TANC2: variants seen among roughly 807,000 people sequenced by gnomAD.
TANC2 encodes the protein protein TANC2.
TANC2 carries 26 observed loss-of-function variants against 210.5 expected under a neutral mutation model. The observed-to-expected ratio is 0.12, with a 90% CI of 0.09 to 0.17. The LOEUF (loss-of-function observed/expected upper bound fraction) is 0.17, where lower values mean the gene tolerates loss of function less well. TANC2 is among the 10% of genes least tolerant of loss of function. TANC2 has a pLI of 1.00. For synonymous variants in TANC2, 931 were observed against 967.1 expected (o/e 0.96, Z 0.69); for missense variants, 2,129 against 2,608.9 (o/e 0.82, Z 4.01).
intron 5 of TANC2, among the ~76,000 whole-genome samples, chr17:63,164,541 T>C (rs1312955287): frequency 6.6e-6 from 1 of 152,128 alleles, no homozygotes; most frequent in Non-Finnish European, 1.5e-5. Flanking sequence ...TAGATAAAGA[T>C]ACAGAGAAAG....
intron 4 of TANC2, among the ~76,000 whole-genome samples, chr17:63,135,780 A>T (rs1412407467): frequency 6.6e-6 from 1 of 152,204 alleles, no homozygotes; most frequent in East Asian, 1.9e-4. Flanking sequence ...TAAAGCAGTA[A>T]TCACGTATTA....
At chr17:63,332,471 T>C in intron 11 of TANC2, 1 of 414,198 alleles carries the variant, frequency 2.4e-6, no homozygotes, top group Admixed American at 2.6e-5. Context: ...AATCAGCATC[T>C]AACTTGGCAC....
At chr17:63,170,341 A>C (rs1280849928) in intron 5 of TANC2, among the ~76,000 whole-genome samples, 1 of 151,542 alleles carries the variant, frequency 6.6e-6, no homozygotes, top group Non-Finnish European at 1.5e-5. Context: ...AGGCTCAGGC[A>C]GGAGAATGGC....
exon 2 of TANC2, chr17:63,009,558 C>T: frequency 6.2e-7 from 1 of 1,612,694 alleles, no homozygotes; most frequent in African/African-American, 1.3e-5. Context: ...AAGAGTATAA[C>T]CATGTTTCGG....
intron 7 of TANC2, among the ~76,000 whole-genome samples, chr17:63,209,887 T>G (rs1180894436): frequency 6.6e-6 from 1 of 152,236 alleles, no homozygotes; most frequent in African/African-American, 2.4e-5. Context: ...TTTACAAATA[T>G]CTTTTGAGGT....
At chr17:63,333,799 A>G (rs899137025) in intron 11 of TANC2, among the ~76,000 whole-genome samples, 2 of 151,978 alleles carry the variant, frequency 1.3e-5, no homozygotes, top group Admixed American at 6.6e-5. Flanking sequence ...AGCAATCACC[A>G]CCCTAATCAG....
chr17:63,005,119 T>G (rs1254926025), intron 1 of TANC2: 1 of 152,368 alleles, frequency 6.6e-6, no homozygotes, highest in East Asian at 1.9e-4. Context: ...GATGTTTATT[T>G]TGAATTAATT....
intron 5 of TANC2, among the ~76,000 whole-genome samples, chr17:63,189,448 C>G (rs2041113183): frequency 6.6e-6 from 1 of 152,154 alleles, no homozygotes; most frequent in South Asian, 2.1e-4. Flanking sequence ...TTTACCCATC[C>G]TAGTGGATAT....
At chr17:63,270,838 C>T (rs1451263136) in intron 9 of TANC2, among the ~76,000 whole-genome samples, 1 of 152,108 alleles carries the variant, frequency 6.6e-6, no homozygotes, top group Non-Finnish European at 1.5e-5. Context: ...CACCAGTAGG[C>T]CCCAGTGTTT....
At chr17:63,377,407 C>T (rs539158915) in intron 14 of TANC2, among the ~76,000 whole-genome samples, 2 of 152,282 alleles carry the variant, frequency 1.3e-5, no homozygotes, top group East Asian at 3.9e-4. Context: ...CCACTAGATA[C>T]CCTAAATCAT....
rs368619716 is a variant in TANC2, at chr17:63,263,234, A to G, written c.1034-4514A>G. On this transcript the variant is annotated intron_variant, in intron 8 of 27. Transcript: ENST00000689528. ...AGTGATGAGCTGACTCTGAATTTTC[A>G]GCCTGCCAAGAAATCTTTTAAAAAG... 6.6e-5 allele frequency among the ~76,000 whole-genome samples: 10 copies of G among 152,298 alleles called. No homozygotes were observed. The East Asian group carries it at 1.5e-3, about 24-fold the overall frequency.
chr17:63,227,315 T>A (rs1174961035), intron 7 of TANC2, among the ~76,000 whole-genome samples: 2 of 152,208 alleles, frequency 1.3e-5, no homozygotes, highest in African/African-American at 2.4e-5. Context: ...TGAGATGGTA[T>A]CTCATTGTGG....
intron 8 of TANC2, among the ~76,000 whole-genome samples, chr17:63,266,244 T>G (rs550410707): frequency 1.3e-3 from 194 of 152,278 alleles, no homozygotes; most frequent in Non-Finnish European, 2.4e-3. Context: ...AATAAAATAT[T>G]CTTTTGACTG....
At chr17:63,422,130 C>T (rs764992418) in exon 28 of TANC2, 23 of 746,948 alleles carry the variant, frequency 3.1e-5, no homozygotes, top group South Asian at 4.0e-5. Flanking sequence ...AGCGGCCTCC[C>T]GGGAGCCAGG....
At chr17:63,038,361 A>G (rs547586653) in intron 2 of TANC2, among the ~76,000 whole-genome samples, 1 of 152,302 alleles carries the variant, frequency 6.6e-6, no homozygotes, top group Admixed American at 6.5e-5. Flanking sequence ...CATTTCCAGG[A>G]TAAACCCCAC....
chr17:63,096,948 T>C (rs2037409083), intron 3 of TANC2, among the ~76,000 whole-genome samples: 1 of 152,152 alleles, frequency 6.6e-6, no homozygotes, highest in Non-Finnish European at 1.5e-5. Flanking sequence ...TTGGCTTTGT[T>C]TTTCTGTAAT....
chr17:63,162,378 C>A (rs1405695835), intron 5 of TANC2, among the ~76,000 whole-genome samples: 4 of 151,830 alleles, frequency 2.6e-5, no homozygotes, highest in Non-Finnish European at 5.9e-5. Context: ...ATAAACTGCT[C>A]TTTCAAAGAA....
At chr17:63,335,416 G>C (rs1156896117) in intron 11 of TANC2, among the ~76,000 whole-genome samples, 1 of 152,024 alleles carries the variant, frequency 6.6e-6, no homozygotes, top group Non-Finnish European at 1.5e-5. Flanking sequence ...TTCGAGACCA[G>C]CCTGGCCAAT....
At chr17:63,352,736 C>T (rs1436257142) in intron 13 of TANC2, among the ~76,000 whole-genome samples, 2 of 151,932 alleles carry the variant, frequency 1.3e-5, no homozygotes, top group Non-Finnish European at 2.9e-5. Flanking sequence ...ATTTCATTTC[C>T]GACAGTGAAA....
Sources: allele counts gnomAD v4.1 joint callset (sites outside exome capture counted in the v4.1 genomes callset), GRCh38; gene constraint gnomAD v4.1.1; transcripts MANE v1.5; gene names NCBI Gene and HGNC (gene_info 2026-07-23, HGNC 2026-07-21).